Variants in PHKB observed in about 807,000 individuals in gnomAD.
The protein encoded by PHKB is phosphorylase kinase regulatory subunit beta, also known as phosphorylase b kinase regulatory subunit beta.
PHKB carries 122 observed loss-of-function variants against 152.1 expected under a neutral mutation model. That is an observed-to-expected ratio of 0.80 (90% CI 0.69 to 0.93). The LOEUF (loss-of-function observed/expected upper bound fraction) is 0.93, where lower values mean the gene tolerates loss of function less well. Among genes scored for constraint, PHKB ranks in the 40% least tolerant of loss-of-function variants. The pLI is 0.00. For missense variants in PHKB, 1,304 were observed against 1,328.4 expected, an observed-to-expected ratio of 0.98 and a Z score of 0.29; for synonymous variants, 436 against 464.9, an observed-to-expected ratio of 0.94 and a Z score of 0.80.
chr16:47,540,053 T>G (rs1971025602), intron 6 of PHKB, among the ~76,000 whole-genome samples: 1 of 152,172 alleles, frequency 6.6e-6, no homozygotes, highest in Admixed American at 6.5e-5. Flanking sequence ...GACGTGCAAG[T>G]AGGAGAGATA....
chr16:47,500,527 T>A (rs1225598676), intron 3 of PHKB, among the ~76,000 whole-genome samples: 2 of 152,188 alleles, frequency 1.3e-5, no homozygotes, highest in Non-Finnish European at 2.9e-5. Flanking sequence ...ATGTTGCAGA[T>A]AATAAAATTA....
intron 6 of PHKB, among the ~76,000 whole-genome samples, chr16:47,534,456 T>C (rs1970917802): frequency 6.6e-6 from 1 of 152,212 alleles, no homozygotes; most frequent in African/African-American, 2.4e-5. Context: ...TAAAATTTCA[T>C]TGCAGCACTG....
chr16:47,508,268 A>G (rs1348354527), intron 4 of PHKB, among the ~76,000 whole-genome samples: 1 of 152,118 alleles, frequency 6.6e-6, no homozygotes, highest in African/African-American at 2.4e-5. Context: ...TATTAATGTC[A>G]GCTATGTTTT....
intron 18 of PHKB, 90 bp from the exon 19 acceptor site, chr16:47,650,454 G>T: frequency 1.3e-6 from 1 of 791,130 alleles, no homozygotes; most frequent in Admixed American, 1.7e-5. Flanking sequence ...TGCTACATAA[G>T]AATTTTGTTG....
intron 3 of PHKB, among the ~76,000 whole-genome samples, chr16:47,502,559 C>CA (rs1970340744): frequency 6.6e-6 from 1 of 152,302 alleles, no homozygotes; most frequent in East Asian, 1.9e-4. Flanking sequence ...CAAAGAAAGG[C>CA]AGCACCTACC....
intron 8 of PHKB, among the ~76,000 whole-genome samples, chr16:47,586,063 A>G (rs1355935731): frequency 1.3e-5 from 2 of 152,074 alleles, no homozygotes; most frequent in South Asian, 4.2e-4. Flanking sequence ...CTCCCATTTC[A>G]CCAAAATTCA....
At chr16:47,490,678 T>C (rs915315541) in intron 1 of PHKB, among the ~76,000 whole-genome samples, 3 of 152,226 alleles carry the variant, frequency 2.0e-5, no homozygotes, top group African/African-American at 7.2e-5. Context: ...CTTGATGTTA[T>C]GAAATTGATT....
At chr16:47,466,823 A>G (rs1433875703) in intron 1 of PHKB, among the ~76,000 whole-genome samples, 1 of 152,166 alleles carries the variant, frequency 6.6e-6, no homozygotes, top group African/African-American at 2.4e-5. Context: ...CAACTAATCA[A>G]AAAGATTCTT....
At chr16:47,613,509 A>G (rs1278303292) in intron 14 of PHKB, among the ~76,000 whole-genome samples, 2 of 152,226 alleles carry the variant, frequency 1.3e-5, no homozygotes, top group Non-Finnish European at 2.9e-5. Context: ...CCACATTGTT[A>G]GTGCCAACTC....
intron 6 of PHKB, among the ~76,000 whole-genome samples, chr16:47,530,504 A>AG: frequency 6.6e-6 from 1 of 152,348 alleles, no homozygotes; most frequent in Middle Eastern, 3.4e-3. Context: ...CAATAAGGCA[A>AG]GAAGTAATAG....
At chr16:47,532,802 G>A (rs748017769) in intron 6 of PHKB, among the ~76,000 whole-genome samples, 56 of 152,366 alleles carry the variant, frequency 3.7e-4, no homozygotes, top group Non-Finnish European at 5.3e-4. Flanking sequence ...CAGGCAAGGG[G>A]CACGTTTCAG....
intron 7 of PHKB, chr16:47,566,380 G>T: frequency 6.5e-7 from 1 of 1,532,640 alleles, no homozygotes; most frequent in Non-Finnish European, 9.0e-7. Flanking sequence ...TCCTGTGCTT[G>T]ATCAGCAACG....
chr16:47,557,328 G>T (rs1971392122), intron 7 of PHKB, among the ~76,000 whole-genome samples: 1 of 152,162 alleles, frequency 6.6e-6, no homozygotes, highest in Non-Finnish European at 1.5e-5. Flanking sequence ...CATGGGCAAG[G>T]ACTTCATGTC....
At chr16:47,498,546 C>T (rs1276818589) in intron 2 of PHKB, among the ~76,000 whole-genome samples, 3 of 152,224 alleles carry the variant, frequency 2.0e-5, no homozygotes, top group Non-Finnish European at 4.4e-5. Flanking sequence ...AGTGGTGGTG[C>T]ACTCCTGTGA....
chr16:47,610,669 A>G (rs1218614638), intron 13 of PHKB, among the ~76,000 whole-genome samples, 157 bp from the exon 14 acceptor site: 1 of 152,096 alleles, frequency 6.6e-6, no homozygotes, highest in Non-Finnish European at 1.5e-5. Flanking sequence ...GGCTTATTTT[A>G]TGGCCTAGTA....
At chr16:47,564,765 A>C (rs973692162) in intron 7 of PHKB, among the ~76,000 whole-genome samples, 4 of 152,082 alleles carry the variant, frequency 2.6e-5, no homozygotes, top group Admixed American at 2.0e-4. Context: ...TCTTGAGTTA[A>C]TTTTTGTATA....
chr16:47,555,023 C>T (rs900481568), intron 7 of PHKB, among the ~76,000 whole-genome samples: 6 of 152,144 alleles, frequency 3.9e-5, no homozygotes, highest in South Asian at 4.1e-4. Flanking sequence ...CTATTCTCTT[C>T]GCTTTTCTAA....
chr16:47,503,368 C>G (rs1970356283), intron 4 of PHKB, among the ~76,000 whole-genome samples: 1 of 152,170 alleles, frequency 6.6e-6, no homozygotes, highest in African/African-American at 2.4e-5. Context: ...GACCCAGTTT[C>G]TCAGGAACCT....
At chr16:47,596,206 CGCCTTCCACCATGATTGTGAG>C (rs1972115779) in intron 12 of PHKB, among the ~76,000 whole-genome samples, 146 bp from the exon 13 acceptor site, 1 of 152,148 alleles carries the variant, frequency 6.6e-6, no homozygotes, top group Non-Finnish European at 1.5e-5. Context: ...GCTCTTCCTT[CGCCTTCCACCATGATTGTGAG>C]GCCTCCCCAG....
Sources: gnomAD v4.1 joint callset for allele counts (sites outside exome capture counted in the v4.1 genomes callset) on GRCh38, gnomAD v4.1.1 for gene constraint, MANE v1.5 for transcripts, NCBI Gene and HGNC (gene_info 2026-07-23, HGNC 2026-07-21) for gene names.